STIM2: variants seen among roughly 807,000 people sequenced by gnomAD.
STIM2 encodes stromal interaction molecule 2.
Under a neutral mutation model 85.8 loss-of-function variants are expected in STIM2, and 31 were observed. The ratio of observed to expected loss-of-function variants is 0.36; its 90% CI spans 0.27 to 0.49. STIM2 has a LOEUF of 0.49. Ranked by LOEUF, STIM2 falls within the 20% of genes least tolerant of loss-of-function variation. The probability of loss-of-function intolerance (pLI) is 0.98; values close to 1 mark genes in which losing one functional copy is unlikely to be tolerated. For missense variants in STIM2, 841 were observed against 927.6 expected, an observed-to-expected ratio of 0.91 and a Z score of 1.21; for synonymous variants, 356 against 331.1, an observed-to-expected ratio of 1.08 and a Z score of -0.82.
At chr4:26,987,832 G>A (rs11932732) in intron 3 of STIM2, among the ~76,000 whole-genome samples, 2,928 of 152,314 alleles carry the variant, frequency 0.019, 102 homozygotes, top group African/African-American at 0.067. Context: ...TGGCATTACT[G>A]TTAGTACTAT....
chr4:27,023,202 C>T lies in STIM2; in HGVS notation c.*206C>T, dbSNP rs764020770. 7 of 552,172 alleles carry T rather than the reference C, an allele frequency of 1.3e-5. No homozygotes were observed. Among genetic ancestry groups the T allele is most frequent in the Non-Finnish European group, 2.3e-5 (7 of 310,900 alleles). 34.2% of individuals were successfully genotyped at this position (552,172 alleles called of 1,614,324 possible). A position where few individuals can be genotyped will look rare whatever the true frequency, so the allele number is the denominator to read the frequency against. ...ACTATATATAATCAATTCATCAAGC[C>T]AGTTATTACTGAAAAATCATTGAAA... On this transcript the variant is annotated 3_prime_UTR_variant, in exon 12 of 12. Transcript: ENST00000467087.
chr4:26,980,464 G>C (rs900343029), intron 3 of STIM2, among the ~76,000 whole-genome samples: 2 of 140,922 alleles, frequency 1.4e-5, no homozygotes, highest in Non-Finnish European at 3.1e-5. Flanking sequence ...TAGGAGCCTG[G>C]AAAAAAAAAA....
rs539646435 is a variant in STIM2 at position 26,998,176 on chromosome 4, T to G, written c.510-1056T>G. 6.4e-4 allele frequency among the ~76,000 whole-genome samples: 97 copies of G among 152,340 alleles called. 1 individual carries two copies. The highest frequency in any genetic ancestry group is 1.7e-3 in the Admixed American group (26 of 15,300). ...TGTCATTGTTATTATTATTAGACTTTGTGTAATGAAATCTTTACTAGCATC... is the reference window on the plus strand; with the variant it reads ...TGTCATTGTTATTATTATTAGACTTGGTGTAATGAAATCTTTACTAGCATC... On this transcript the variant is annotated intron_variant, in intron 4 of 11. Coordinates refer to ENST00000467087, the MANE Select transcript of STIM2 (RefSeq NM_020860.4).
At chr4:26,972,268 C>T (rs1726984125) in intron 3 of STIM2, among the ~76,000 whole-genome samples, 1 of 152,184 alleles carries the variant, frequency 6.6e-6, no homozygotes, top group African/African-American at 2.4e-5. Context: ...CCACAACTCC[C>T]AACACTATGT....
chr4:26,952,343 C>T (rs1038707114), intron 2 of STIM2, among the ~76,000 whole-genome samples: 6 of 152,110 alleles, frequency 3.9e-5, no homozygotes, highest in African/African-American at 1.4e-4. Context: ...TGATTATCAG[C>T]TGGTGTTTGT....
chr4:26,867,676 T>C (rs1722457086), intron 1 of STIM2, among the ~76,000 whole-genome samples: 1 of 152,268 alleles, frequency 6.6e-6, no homozygotes, highest in Admixed American at 6.5e-5. Context: ...TCAAGCTTAA[T>C]CTATAGATGA....
chr4:27,020,943 C>T (rs898521815), intron 11 of STIM2: 1 of 1,495,218 alleles, frequency 6.7e-7, no homozygotes, highest in Admixed American at 2.0e-5. Flanking sequence ...TCTTTTGCCA[C>T]TTTTTACCTT....
At chr4:26,933,532 C>T (rs929818691) in intron 2 of STIM2, among the ~76,000 whole-genome samples, 4 of 151,902 alleles carry the variant, frequency 2.6e-5, no homozygotes, top group African/African-American at 9.7e-5. Context: ...TCAAAAGTGG[C>T]TCTACTGTCA....
At chr4:27,001,552 C>T (rs896008230) in intron 5 of STIM2, among the ~76,000 whole-genome samples, 3 of 152,250 alleles carry the variant, frequency 2.0e-5, no homozygotes, top group East Asian at 1.9e-4. Flanking sequence ...CTTTGTCATC[C>T]GCAGAGGGGA....
At chr4:26,961,318 T>C (rs1330367249) in intron 3 of STIM2, among the ~76,000 whole-genome samples, 1 of 152,154 alleles carries the variant, frequency 6.6e-6, no homozygotes, top group African/African-American at 2.4e-5. Context: ...TTAGTACACC[T>C]TGCATCCATT....
At chr4:26,878,605 G>A (rs762156871) in intron 1 of STIM2, among the ~76,000 whole-genome samples, 18 of 151,962 alleles carry the variant, frequency 1.2e-4, no homozygotes, top group Non-Finnish European at 2.4e-4. Context: ...TTTCCTTCCA[G>A]GTTTTGTGTT....
chr4:26,904,936 T>A (rs1724068211), intron 1 of STIM2, among the ~76,000 whole-genome samples: 1 of 151,986 alleles, frequency 6.6e-6, no homozygotes, highest in Non-Finnish European at 1.5e-5. Flanking sequence ...CTTGGATAAT[T>A]TATCTGTGTC....
chr4:26,921,646 T>G (rs1177406726), intron 2 of STIM2, among the ~76,000 whole-genome samples: 1 of 152,226 alleles, frequency 6.6e-6, no homozygotes, highest in African/African-American at 2.4e-5. Flanking sequence ...ATATGTTCCT[T>G]TTTCTTCCTT....
At chr4:26,964,126 T>C (rs571016294) in intron 3 of STIM2, among the ~76,000 whole-genome samples, 3 of 152,238 alleles carry the variant, frequency 2.0e-5, no homozygotes, top group Non-Finnish European at 4.4e-5. Context: ...ACTGGGAGAT[T>C]GGGTCAGAGA....
At chr4:27,002,166 G>T (rs745859452) in intron 5 of STIM2, 51 bp from the exon 6 acceptor site, 19 of 1,505,214 alleles carry the variant, frequency 1.3e-5, no homozygotes, top group Non-Finnish European at 1.5e-5. Flanking sequence ...TTTGTATTGA[G>T]GTCCTGTCAT....
intron 1 of STIM2, among the ~76,000 whole-genome samples, chr4:26,883,857 G>A (rs569673533): frequency 4.9e-4 from 74 of 152,298 alleles, no homozygotes; most frequent in African/African-American, 1.7e-3. Context: ...GCAAGGTTAT[G>A]TATTTTGGTA....
Position 27,002,256 on chromosome 4 carries a change from T to C in STIM2, c.665T>C (p.Val222Ala). ...TGGATGAAAGATTTTATCCTCACAG[T>C]TTCTATAGTAATTGGTGTTGGAGGC... The change falls in exon 6 of 12, where the codon GTT (valine) becomes GCT (alanine). Residue 222 changes from valine (V) to alanine (A), a missense_variant. Val to Ala is a moderately conservative substitution (Grantham distance 64, BLOSUM62 0). Coordinates refer to ENST00000467087, the MANE Select transcript of STIM2 (RefSeq NM_020860.4). 1 of 1,612,476 alleles carries C rather than the reference T, an allele frequency of 6.2e-7. No homozygotes were observed.
intron 8 of STIM2, among the ~76,000 whole-genome samples, chr4:27,008,180 A>G (rs77241550): frequency 0.012 from 1,756 of 152,008 alleles, 14 homozygotes; most frequent in Non-Finnish European, 0.017. Flanking sequence ...GGTCTTCCTG[A>G]ACCATAGAAA....
intron 1 of STIM2, among the ~76,000 whole-genome samples, chr4:26,918,485 A>G (rs980210769): frequency 9.2e-5 from 14 of 152,166 alleles, no homozygotes; most frequent in African/African-American, 3.1e-4. Context: ...TCGATGAGAT[A>G]ACTAAGCTGT....
Sources: gnomAD v4.1 joint callset for allele counts (sites outside exome capture counted in the v4.1 genomes callset) on GRCh38, gnomAD v4.1.1 for gene constraint, MANE v1.5 for transcripts, NCBI Gene and HGNC (gene_info 2026-07-23, HGNC 2026-07-21) for gene names.